PTCHD4: variants seen among roughly 807,000 people sequenced by gnomAD.
PTCHD4 encodes the protein patched domain-containing protein 4.
In PTCHD4, 33 loss-of-function variants were observed where a neutral mutation model predicts 58.1. The ratio of observed to expected loss-of-function variants is 0.57; its 90% CI spans 0.43 to 0.76. The LOEUF (loss-of-function observed/expected upper bound fraction) is 0.76. Ranked by LOEUF, PTCHD4 falls within the 30% of genes least tolerant of loss-of-function variation. PTCHD4 has a pLI of 0.00. For missense variants in PTCHD4, 1,058 were observed against 1,027.1 expected, an observed-to-expected ratio of 1.03 and a Z score of -0.41; for synonymous variants, 478 against 409.6, an observed-to-expected ratio of 1.17 and a Z score of -2.02.
intron 4 of PTCHD4, among the ~76,000 whole-genome samples, chr6:47,926,119 T>TA (rs1467454786): frequency 2.0e-5 from 3 of 152,198 alleles, no homozygotes; most frequent in Non-Finnish European, 4.4e-5. Flanking sequence ...CTCAACATTG[T>TA]AAATGCAATT....
intron 3 of PTCHD4, among the ~76,000 whole-genome samples, chr6:48,033,031 T>A (rs1174436502): frequency 6.6e-6 from 1 of 152,102 alleles, no homozygotes; most frequent in African/African-American, 2.4e-5. Flanking sequence ...CTAAAAATAT[T>A]TTTTTTAGAA....
rs1430150901 is a variant in PTCHD4 at position 47,861,941 on chromosome 6, T to C, written c.*16362A>G. Among the ~76,000 whole-genome samples, 1 of 151,870 alleles carries C rather than the reference T, an allele frequency of 6.6e-6. No individual in the cohort carries two copies. The highest frequency in any genetic ancestry group is 2.4e-5 in the African/African-American group (1 of 41,424). On this transcript the variant is annotated 3_prime_UTR_variant, in exon 5 of 5. Transcript: ENST00000339488. ...TTTATTTTCCTAGTTCCTAGGTAAC[T>C]GTCCATATTTCCTGTTATCGAAAAA... is the stretch of plus-strand genomic sequence containing the variant.
intron 1 of PTCHD4, among the ~76,000 whole-genome samples, chr6:48,109,445 A>C (rs1425709763): frequency 1.3e-5 from 2 of 152,148 alleles, no homozygotes; most frequent in Non-Finnish European, 2.9e-5. Context: ...ACATTATTTT[A>C]GTGAGACCTG....
At chr6:47,948,714 A>G (rs1581919888) in intron 4 of PTCHD4, among the ~76,000 whole-genome samples, 1 of 152,204 alleles carries the variant, frequency 6.6e-6, no homozygotes, top group South Asian at 2.1e-4. Context: ...ACTGCAGCCT[A>G]TAAGATCTTT....
At chr6:47,903,268 TA>T (rs775448358) in intron 4 of PTCHD4, among the ~76,000 whole-genome samples, 2 of 152,080 alleles carry the variant, frequency 1.3e-5, no homozygotes, top group Non-Finnish European at 1.5e-5. Context: ...GAGGTGTCTA[TA>T]GGGGGAGATG....
Position 48,104,516 on chromosome 6 carries a change from A to T in PTCHD4, c.-970+6533T>A, listed in dbSNP as rs1005240496. Among the ~76,000 whole-genome samples, 20 of 152,218 alleles carry T rather than the reference A, an allele frequency of 1.3e-4. 2 individuals are homozygous for T. Among genetic ancestry groups the T allele is most frequent in the Admixed American group, 1.2e-3 (18 of 15,278 alleles). The stretch of plus-strand genomic sequence containing the variant: ...AAAAACATGCCAAATTGTAAAGACC[A>T]TCAAGGCTAGGAAGAAACTGCACCA... On this transcript the variant is annotated intron_variant, in intron 1 of 4. Coordinates refer to ENST00000339488, the MANE Select transcript of PTCHD4 (RefSeq NM_001384253.1).
intron 3 of PTCHD4, among the ~76,000 whole-genome samples, chr6:48,032,901 G>T (rs1763500030): frequency 6.6e-6 from 1 of 151,940 alleles, no homozygotes; most frequent in African/African-American, 2.4e-5. Context: ...CCTTTTTACT[G>T]GAAACTCCTT....
At chr6:47,936,694 A>G (rs1000561007) in intron 4 of PTCHD4, among the ~76,000 whole-genome samples, 1 of 152,204 alleles carries the variant, frequency 6.6e-6, no homozygotes, top group Admixed American at 6.5e-5. Context: ...TGTGCTAGGC[A>G]TTGTTCTAAA....
At chr6:48,109,908 T>TGC (rs1765828424) in intron 1 of PTCHD4, among the ~76,000 whole-genome samples, 2 of 152,086 alleles carry the variant, frequency 1.3e-5, no homozygotes, top group African/African-American at 4.8e-5. Context: ...GGGATGGCTA[T>TGC]TATTTTAAAA....
intron 4 of PTCHD4, among the ~76,000 whole-genome samples, chr6:47,959,943 CAG>C (rs1185259044): frequency 6.6e-6 from 1 of 150,984 alleles, no homozygotes; most frequent in African/African-American, 2.4e-5. Context: ...AAAAAAACCC[CAG>C]AGTTTTTCTT....
rs148682590 is a variant in PTCHD4 at position 48,092,395 on chromosome 6, T to C, written c.-970+18654A>G. 2.1e-3 allele frequency among the ~76,000 whole-genome samples: 325 copies of C among 152,326 alleles called. 1 individual carries two copies. Among genetic ancestry groups the C allele is most frequent in the African/African-American group, 6.7e-3 (278 of 41,570 alleles). ...TAAACATTGAAGCATTTTGTCAATA[T>C]GCAGCTAGGGGATCCATCGGCCAGT... On this transcript the variant is annotated intron_variant, in intron 1 of 4. Transcript: ENST00000339488.
chr6:47,962,189 A>G (rs1227643981), intron 4 of PTCHD4, among the ~76,000 whole-genome samples: 2 of 152,166 alleles, frequency 1.3e-5, no homozygotes, highest in East Asian at 3.9e-4. Context: ...TGAAAAATTT[A>G]TACCACAAAA....
chr6:47,966,821 C>T (rs1354885706), intron 4 of PTCHD4, among the ~76,000 whole-genome samples: 1 of 152,168 alleles, frequency 6.6e-6, no homozygotes, highest in Non-Finnish European at 1.5e-5. Context: ...CATTTTCAGG[C>T]TTCACTTCTA....
chr6:47,923,534 A>G (rs1206249228), intron 4 of PTCHD4, among the ~76,000 whole-genome samples: 1 of 152,218 alleles, frequency 6.6e-6, no homozygotes, highest in East Asian at 1.9e-4. Context: ...CTTTAAGGTT[A>G]AGAATAAAAC....
At position 47,883,902 on chromosome 6, in the gene PTCHD4, T is replaced by C. The variant is rs551307097; in HGVS notation, c.899-3966A>G. On this transcript the variant is annotated intron_variant, in intron 4 of 4. Transcript: ENST00000339488. ...GAAAAAGAAATAATATACTCACTCA[T>C]ACACACACATACTTAATTATCTGTT... Among the ~76,000 whole-genome samples, 84 of 152,312 alleles carry C rather than the reference T, an allele frequency of 5.5e-4. 2 individuals carry two copies. In the South Asian group the frequency reaches 0.017, roughly 30 times the overall value.
At chr6:47,900,594 T>C (rs1425602462) in intron 4 of PTCHD4, 3 of 152,238 alleles carry the variant, frequency 2.0e-5, no homozygotes, top group Non-Finnish European at 4.4e-5. Flanking sequence ...ATGGTATTCA[T>C]TGAAGTACAA....
At chr6:47,928,196 G>A (rs958013060) in intron 4 of PTCHD4, among the ~76,000 whole-genome samples, 2 of 151,828 alleles carry the variant, frequency 1.3e-5, no homozygotes, top group African/African-American at 4.8e-5. Flanking sequence ...TTAAAAAATT[G>A]CTCCTAAGGC....
At chr6:48,001,597 CA>C (rs1768724502) in intron 4 of PTCHD4, among the ~76,000 whole-genome samples, 1 of 152,166 alleles carries the variant, frequency 6.6e-6, no homozygotes, top group South Asian at 2.1e-4. Context: ...ACACCTTATA[CA>C]AAAATTAATT....
intron 1 of PTCHD4, among the ~76,000 whole-genome samples, chr6:48,100,540 A>C (rs1582138676): frequency 6.6e-6 from 1 of 152,160 alleles, no homozygotes; most frequent in African/African-American, 2.4e-5. Flanking sequence ...AATGAAAAGA[A>C]CTCTTTCATC....
Sources: allele counts gnomAD v4.1 joint callset (sites outside exome capture counted in the v4.1 genomes callset), GRCh38; gene constraint gnomAD v4.1.1; transcripts MANE v1.5; gene names NCBI Gene and HGNC (gene_info 2026-07-23, HGNC 2026-07-21).